Variants in PAMR1 observed in about 807,000 individuals in gnomAD.
The protein encoded by PAMR1 is inactive serine protease PAMR1.
PAMR1 carries 88 observed loss-of-function variants against 81.8 expected under a neutral mutation model. That is an observed-to-expected ratio of 1.08 (90% CI 0.91 to 1.28). The LOEUF is 1.28. Among genes scored for constraint, PAMR1 ranks in the 50% most tolerant of loss-of-function variants. The probability of loss-of-function intolerance (pLI) is 0.00; values close to 1 mark genes in which losing one functional copy is unlikely to be tolerated. For missense variants in PAMR1, 935 were observed against 919.7 expected (o/e 1.02, Z -0.21); for synonymous variants, 336 against 345.3 (o/e 0.97, Z 0.30).
intron 3 of PAMR1, among the ~76,000 whole-genome samples, chr11:35,480,277 T>C (rs1028318780): frequency 7.9e-5 from 12 of 152,170 alleles, no homozygotes; most frequent in Non-Finnish European, 5.9e-5. Context: ...GAAAAAATGG[T>C]TGTTCAGAAA....
At chr11:35,496,771 A>C (rs1850733523) in intron 1 of PAMR1, among the ~76,000 whole-genome samples, 1 of 152,232 alleles carries the variant, frequency 6.6e-6, no homozygotes, top group South Asian at 2.1e-4. Flanking sequence ...TAAAAAATTG[A>C]AAACAGAGAC....
At chr11:35,441,439 C>G (rs943615467) in intron 7 of PAMR1, 42 bp downstream of exon 7, 9 of 1,466,642 alleles carry the variant, frequency 6.1e-6, no homozygotes, top group Non-Finnish European at 7.6e-6. Context: ...AGTCTAGCAA[C>G]TTCATCAATG....
At position 35,510,200 on chromosome 11, in the gene PAMR1, C is replaced by A. The variant is rs182383367; in HGVS notation, c.73+15313G>T. ...AGAAGGTATAGAAATTCCCCACATA[C>A]CCTCCCTCCCACAATTGCACAGCCT... On this transcript the variant is annotated intron_variant, in intron 1 of 10. Coordinates refer to ENST00000619888, the MANE Select transcript of PAMR1 (RefSeq NM_001001991.3). 7.2e-5 allele frequency among the ~76,000 whole-genome samples: 11 copies of A among 152,192 alleles called. No individual in the cohort carries two copies. The East Asian group carries it at 2.1e-3, about 29-fold the overall frequency.
At chr11:35,434,438 A>G in intron 10 of PAMR1, 74 bp downstream of exon 10, 1 of 1,434,916 alleles carries the variant, frequency 7.0e-7, no homozygotes, top group Non-Finnish European at 9.6e-7. Flanking sequence ...AGAGCTTGGT[A>G]TAATCACTGC....
At chr11:35,482,993 A>T (rs1850428187) in intron 3 of PAMR1, among the ~76,000 whole-genome samples, 3 of 152,146 alleles carry the variant, frequency 2.0e-5, no homozygotes, top group African/African-American at 7.2e-5. Context: ...TTTCCATTTC[A>T]TCACCCATGC....
In PAMR1 at chr11:35,525,609, C is replaced by A. The variant is rs909423681; in HGVS notation, c.-24G>T. On this transcript the variant is annotated 5_prime_UTR_variant, in exon 1 of 11. Coordinates refer to ENST00000619888, the MANE Select transcript of PAMR1 (RefSeq NM_001001991.3). ...ATCCTTGCCGCGGCTGGTGCCCGAG[C>A]GTCTACTGGGGAGGGAGAGGAGGGA... 19 of 1,611,000 alleles carry A rather than the reference C, an allele frequency of 1.2e-5. No homozygotes were observed. The highest frequency in any genetic ancestry group is 1.6e-5 in the Non-Finnish European group (19 of 1,178,004).
intron 3 of PAMR1, among the ~76,000 whole-genome samples, chr11:35,490,978 A>T (rs914456357): frequency 6.6e-6 from 1 of 152,240 alleles, no homozygotes; most frequent in African/African-American, 2.4e-5. Flanking sequence ...TCCATAAATC[A>T]GCTGCCAAAG....
intron 1 of PAMR1, among the ~76,000 whole-genome samples, chr11:35,511,800 A>T (rs544216247): frequency 3.7e-4 from 56 of 152,246 alleles, no homozygotes; most frequent in African/African-American, 1.3e-3. Context: ...AGCACACAAC[A>T]TTCCTAACCG....
rs190711893 is a variant in PAMR1, at chr11:35,432,044, G to T, written c.*312C>A. The T allele has an allele frequency of 9.4e-6, 3 of 317,492 alleles. No individual in the cohort carries two copies. The highest frequency in any genetic ancestry group is 6.4e-5 in the African/African-American group (3 of 46,950). 19.7% of individuals were successfully genotyped at this position (317,492 alleles called of 1,614,324 possible). On this transcript the variant is annotated 3_prime_UTR_variant, in exon 11 of 11. Coordinates refer to ENST00000619888, the MANE Select transcript of PAMR1 (RefSeq NM_001001991.3). ...TTCCCTGGTCAAGCTGATGGCATTC[G>T]TATAACTGAAAGTTGGGGAAGACCA...
intron 6 of PAMR1, among the ~76,000 whole-genome samples, chr11:35,455,667 A>T (rs1856513439): frequency 6.6e-6 from 1 of 152,214 alleles, no homozygotes; most frequent in African/African-American, 2.4e-5. Flanking sequence ...CATGTCACAC[A>T]GAATGATGAA....
intron 3 of PAMR1, among the ~76,000 whole-genome samples, chr11:35,490,620 C>A (rs72923001): frequency 2.0e-5 from 3 of 152,056 alleles, no homozygotes; most frequent in Non-Finnish European, 2.9e-5. Flanking sequence ...GACCCCATCT[C>A]GGAAGAAAGG....
chr11:35,475,392 C>A (rs938654), intron 3 of PAMR1, among the ~76,000 whole-genome samples: 53,810 of 151,966 alleles, frequency 0.35, 10,254 homozygotes, highest in African/African-American at 0.51. Context: ...CAATAAAACT[C>A]AATGTATAAA....
At chr11:35,497,194 A>C (rs879270688) in intron 1 of PAMR1, among the ~76,000 whole-genome samples, 6 of 152,158 alleles carry the variant, frequency 3.9e-5, no homozygotes, top group African/African-American at 1.2e-4. Context: ...AACAAATAAT[A>C]TAAAAAATAA....
At chr11:35,454,749 G>T (rs1856492619) in intron 6 of PAMR1, among the ~76,000 whole-genome samples, 1 of 152,214 alleles carries the variant, frequency 6.6e-6, no homozygotes, top group African/African-American at 2.4e-5. Flanking sequence ...CCTAGGCAGT[G>T]AAAAGATCTT....
At chr11:35,496,710 C>T (rs1850732510) in intron 1 of PAMR1, among the ~76,000 whole-genome samples, 1 of 152,140 alleles carries the variant, frequency 6.6e-6, no homozygotes, top group Non-Finnish European at 1.5e-5. Context: ...TTGGCAGTTC[C>T]TCTTAAAGCT....
At chr11:35,448,825 G>T (rs540700544) in intron 6 of PAMR1, among the ~76,000 whole-genome samples, 2 of 152,264 alleles carry the variant, frequency 1.3e-5, no homozygotes, top group East Asian at 3.9e-4. Context: ...TGAGATTTTT[G>T]TGGGGTCTTT....
At chr11:35,439,803 C>G (rs1856127387) in intron 7 of PAMR1, 110 bp from the exon 8 acceptor site, 2 of 865,734 alleles carry the variant, frequency 2.3e-6, no homozygotes. Context: ...GTGCCCATTC[C>G]CCAGGCTCTC....
At chr11:35,502,539 C>T (rs957436057) in intron 1 of PAMR1, among the ~76,000 whole-genome samples, 4 of 152,186 alleles carry the variant, frequency 2.6e-5, no homozygotes, top group African/African-American at 9.6e-5. Flanking sequence ...TGTTAGTTTG[C>T]TGAGGATAAT....
chr11:35,453,476 A>G (rs545973794), intron 6 of PAMR1: 67 of 151,738 alleles, frequency 4.4e-4, no homozygotes, highest in African/African-American at 1.6e-3. Flanking sequence ...TCAAACAACT[A>G]CTCCCTTACC....
Sources: allele counts gnomAD v4.1 joint callset (sites outside exome capture counted in the v4.1 genomes callset), GRCh38; gene constraint gnomAD v4.1.1; transcripts MANE v1.5; gene names NCBI Gene and HGNC (gene_info 2026-07-23, HGNC 2026-07-21).